The following SMIM13 variants were observed in gnomAD, a reference collection of about 807,000 sequenced individuals.
SMIM13 encodes the protein UPF0766 protein C6orf228.
SMIM13 carries 3 observed loss-of-function variants against 5.9 expected under a neutral mutation model. That is an observed-to-expected ratio of 0.51 (90% CI 0.23 to 1.31). SMIM13 has a LOEUF of 1.31. Among genes scored for constraint, SMIM13 ranks in the 40% most tolerant of loss-of-function variants. The pLI, the probability that SMIM13 is intolerant of heterozygous loss-of-function variation, is 0.18. For missense variants in SMIM13, 85 were observed against 109.9 expected (o/e 0.77, Z 1.01); for synonymous variants, 55 against 46.0 (o/e 1.19, Z -0.79).
At chr6:11,133,422 C>T (rs1421771842) in intron 1 of SMIM13, among the ~76,000 whole-genome samples, 2 of 152,020 alleles carry the variant, frequency 1.3e-5, no homozygotes, top group Non-Finnish European at 2.9e-5. Flanking sequence ...TAGAAACTCC[C>T]CTTACGTATC....
chr6:11,096,962 A>C (rs986151391), intron 1 of SMIM13, among the ~76,000 whole-genome samples: 9 of 152,184 alleles, frequency 5.9e-5, no homozygotes, highest in Admixed American at 3.9e-4. Flanking sequence ...AAGTGCTGGG[A>C]TTACAGGCGT....
rs146767799 is a variant in SMIM13, at chr6:11,106,181, C to T, written c.76+11792C>T. ...GGTTGGCTGAACTGAGGAATGAGTT[C>T]CTTTAGGAGGAATTTAGCTACCTCC... On this transcript the variant is annotated intron_variant, in intron 1 of 1. Coordinates refer to ENST00000416247, the MANE Select transcript of SMIM13 (RefSeq NM_001135575.2). Among the ~76,000 whole-genome samples, 829 of 152,252 alleles carry T rather than the reference C, an allele frequency of 5.4e-3. 3 individuals are homozygous for T. The highest frequency in any genetic ancestry group is 0.02 in the Middle Eastern group (6 of 294).
At chr6:11,134,154 G>T (rs1758487816) in intron 1 of SMIM13, among the ~76,000 whole-genome samples, 1 of 152,044 alleles carries the variant, frequency 6.6e-6, no homozygotes, top group Admixed American at 6.6e-5. Context: ...AACTCATTAT[G>T]ATTTTACTGT....
intron 1 of SMIM13, among the ~76,000 whole-genome samples, chr6:11,097,668 C>CAA (rs34556394): frequency 6.4e-5 from 7 of 109,896 alleles, no homozygotes; most frequent in Non-Finnish European, 1.2e-4. Flanking sequence ...AACTCCGTTT[C>CAA]AAAAAAAAAA....
intron 1 of SMIM13, among the ~76,000 whole-genome samples, chr6:11,116,458 T>A (rs1313024662): frequency 1.3e-5 from 2 of 152,244 alleles, no homozygotes; most frequent in Non-Finnish European, 2.9e-5. Context: ...AATTTCTTTG[T>A]AAATGTTTGG....
chr6:11,108,171 C>T (rs989156004), intron 1 of SMIM13, among the ~76,000 whole-genome samples: 4 of 152,162 alleles, frequency 2.6e-5, no homozygotes, highest in African/African-American at 9.7e-5. Context: ...CGGTTTTCCC[C>T]CAGAGACAGC....
intron 1 of SMIM13, chr6:11,103,719 C>T (rs767650592): frequency 9.7e-6 from 15 of 1,550,872 alleles, no homozygotes; most frequent in East Asian, 2.4e-5. Context: ...TTGAATATTG[C>T]GAGGATGGCG....
chr6:11,114,592 C>CTTTTTTT lies in SMIM13; in HGVS notation c.77-19793_77-19787dup, dbSNP rs58585640. On this transcript the variant is annotated intron_variant, in intron 1 of 1. Coordinates refer to ENST00000416247, the MANE Select transcript of SMIM13 (RefSeq NM_001135575.2). ...ATTGAGATGGTCATGCACTTTTTCT[C>CTTTTTTT]TTTTTTTTTTTTTTTTTTTTTTTTG... 8.6e-3 allele frequency among the ~76,000 whole-genome samples: 188 copies of CTTTTTTT among 21,864 alleles called. 3 individuals are homozygous for CTTTTTTT. Among genetic ancestry groups the CTTTTTTT allele is most frequent in the East Asian group, 0.015 (8 of 526 alleles). The allele number at this position is 21,864 out of a possible 152,430, so 14.3% of individuals were successfully genotyped here.
At chr6:11,122,917 C>T (rs1304902765) in intron 1 of SMIM13, among the ~76,000 whole-genome samples, 2 of 152,014 alleles carry the variant, frequency 1.3e-5, no homozygotes, top group Non-Finnish European at 2.9e-5. Flanking sequence ...TCTCAAAAAA[C>T]ACCCATGTCA....
chr6:11,131,279 C>G (rs930632279), intron 1 of SMIM13, among the ~76,000 whole-genome samples: 44 of 152,134 alleles, frequency 2.9e-4, no homozygotes, highest in African/African-American at 1.0e-3. Context: ...TTACCAAAGC[C>G]ATGTTTTGTT....
intron 1 of SMIM13, among the ~76,000 whole-genome samples, chr6:11,133,128 G>A (rs1346597062): frequency 6.6e-6 from 1 of 152,126 alleles, no homozygotes; most frequent in Non-Finnish European, 1.5e-5. Flanking sequence ...CTTCCTTGGT[G>A]TTCTTTCCAC....
At chr6:11,100,253 G>A (rs907740463) in intron 1 of SMIM13, among the ~76,000 whole-genome samples, 4 of 151,976 alleles carry the variant, frequency 2.6e-5, no homozygotes, top group African/African-American at 9.7e-5. Context: ...GTGGAGATGA[G>A]GTTTCACCGT....
At chr6:11,103,999 A>AT in intron 1 of SMIM13, 1 of 1,551,580 alleles carries the variant, frequency 6.4e-7, no homozygotes, top group Non-Finnish European at 8.7e-7. Context: ...CAAAAGCAAC[A>AT]TTTTTCATCT....
intron 1 of SMIM13, among the ~76,000 whole-genome samples, chr6:11,097,610 G>A (rs1670341456): frequency 1.3e-5 from 2 of 151,596 alleles, no homozygotes; most frequent in South Asian, 2.1e-4. Flanking sequence ...GGAGGTTGCA[G>A]TGAGCCGACA....
chr6:11,115,814 A>G (rs1442131611), intron 1 of SMIM13, among the ~76,000 whole-genome samples: 1 of 150,170 alleles, frequency 6.7e-6, no homozygotes, highest in Non-Finnish European at 1.5e-5. Context: ...CCTCCCAAGT[A>G]GCTGGGATTA....
intron 1 of SMIM13, among the ~76,000 whole-genome samples, chr6:11,115,111 C>G (rs1758220052): frequency 1.3e-5 from 2 of 152,128 alleles, no homozygotes; most frequent in Admixed American, 1.3e-4. Context: ...CTGGTTTTGT[C>G]ATCGTGTTAA....
At chr6:11,110,384 T>A (rs1046881918) in intron 1 of SMIM13, among the ~76,000 whole-genome samples, 1 of 152,240 alleles carries the variant, frequency 6.6e-6, no homozygotes, top group Non-Finnish European at 1.5e-5. Context: ...CATGACCTTA[T>A]AGTGACCCTT....
rs140994098 is a variant in SMIM13 at position 11,137,279 on chromosome 6, T to G, written c.*2677T>G. ...GAAGATCTATAAACAAATCCTTTGTTTAGAACTTTTTTCTCTTCGTGCACC... is the reference window on the plus strand; with the variant it reads ...GAAGATCTATAAACAAATCCTTTGTGTAGAACTTTTTTCTCTTCGTGCACC... On this transcript the variant is annotated 3_prime_UTR_variant, in exon 2 of 2. Coordinates refer to ENST00000416247, the MANE Select transcript of SMIM13 (RefSeq NM_001135575.2). 61 of 152,222 alleles carry G rather than the reference T, an allele frequency of 4.0e-4. No homozygotes were observed. Among genetic ancestry groups the G allele is most frequent in the African/African-American group, 1.5e-3 (61 of 41,558 alleles). The allele number at this position is 152,222 out of a possible 1,614,324, so 9.4% of individuals were successfully genotyped here. A position where few individuals can be genotyped will look rare whatever the true frequency, so the allele number is the denominator to read the frequency against.
chr6:11,122,212 A>G (rs1758321237), intron 1 of SMIM13, among the ~76,000 whole-genome samples: 1 of 152,206 alleles, frequency 6.6e-6, no homozygotes, highest in Admixed American at 6.5e-5. Flanking sequence ...GATATCTGGG[A>G]TGAGCTCTTG....
Sources: gnomAD v4.1 joint callset for allele counts (sites outside exome capture counted in the v4.1 genomes callset) on GRCh38, gnomAD v4.1.1 for gene constraint, MANE v1.5 for transcripts, NCBI Gene and HGNC (gene_info 2026-07-23, HGNC 2026-07-21) for gene names.